Variants in MTF1 observed in about 807,000 individuals in gnomAD.
MTF1 encodes the protein metal regulatory transcription factor 1, also known as MRE-binding transcription factor.
Under a neutral mutation model 70.4 loss-of-function variants are expected in MTF1, and 22 were observed. The observed-to-expected ratio is 0.31, with a 90% CI of 0.22 to 0.45. The LOEUF is 0.45. Among genes scored for constraint, MTF1 ranks in the 20% least tolerant of loss-of-function variants. The pLI is 1.00. For synonymous variants in MTF1, 333 were observed against 352.8 expected (o/e 0.94, Z 0.63); for missense variants, 649 against 922.0 (o/e 0.70, Z 3.83).
rs1178778340 is a variant in MTF1, at chr1:37,835,141, T to G, written c.928A>C (p.Met310Leu). The change falls in exon 6 of 11, where the codon ATG becomes CTG. Residue 310 changes from methionine to leucine, a missense_variant. Met to Leu is a conservative substitution (Grantham distance 15, BLOSUM62 2). This residue lies in a region of MTF1 where 118 missense variants were observed against 287.2 expected (regional missense o/e 0.41). Coordinates refer to ENST00000373036, the MANE Select transcript of MTF1 (RefSeq NM_005955.3). ...FSTQYSLKSH[M>L]KGHDNKGHSY... ...TGTCCTTTGTTATCATGACCTTTCA[T>G]GTGACTTTTGAGACTGTATTGAGTG... 6.2e-7 allele frequency: 1 copy of G among 1,614,022 alleles called. No homozygotes were observed. Among genetic ancestry groups the G allele is most frequent in the East Asian group, 2.2e-5 (1 of 44,886 alleles).
At chr1:37,849,517 A>C (rs1470177615) in intron 2 of MTF1, among the ~76,000 whole-genome samples, 2 of 152,106 alleles carry the variant, frequency 1.3e-5, no homozygotes, top group South Asian at 2.1e-4. Flanking sequence ...TTGGTGCATC[A>C]TGTAGAATAA....
intron 6 of MTF1, 113 bp downstream of exon 6, chr1:37,834,966 C>T: frequency 8.5e-7 from 1 of 1,173,896 alleles, no homozygotes; most frequent in Non-Finnish European, 1.2e-6. Flanking sequence ...ACCCTGACTT[C>T]TTCCCGCTCA....
chr1:37,844,910 CAT>C, intron 2 of MTF1, among the ~76,000 whole-genome samples: 1 of 152,276 alleles, frequency 6.6e-6, no homozygotes, highest in Non-Finnish European at 1.5e-5. Context: ...CTGTAAAGCA[CAT>C]GATAAAATTA....
At chr1:37,824,894 A>C (rs1640978369) in intron 7 of MTF1, among the ~76,000 whole-genome samples, 3 of 152,088 alleles carry the variant, frequency 2.0e-5, no homozygotes, top group Non-Finnish European at 2.9e-5. Context: ...CAAAAAGGTA[A>C]AATGTGAGGG....
intron 1 of MTF1, among the ~76,000 whole-genome samples, chr1:37,858,958 C>T (rs767920220): frequency 4.6e-5 from 7 of 152,184 alleles, no homozygotes; most frequent in Non-Finnish European, 8.8e-5. Context: ...CTCTTCTGCT[C>T]TGGGTTAGAA....
In MTF1 at chr1:37,818,554, A is replaced by G. The variant is rs979348428; in HGVS notation, c.1768-1072T>C. On this transcript the variant is annotated intron_variant, in intron 9 of 10. Transcript: ENST00000373036. ...TCCATCTCTACTAAAAATACAAAAA[A>G]TTAGCCGGGCATGGTGGCGGGCGCC... Among the ~76,000 whole-genome samples the G allele has an allele frequency of 6.7e-4, 101 of 150,230 alleles. 1 individual carries two copies. The highest frequency in any genetic ancestry group is 9.8e-4 in the Non-Finnish European group (66 of 67,588).
chr1:37,838,798 T>TC (rs1553148617), intron 3 of MTF1, 42 bp from the exon 4 acceptor site: 9 of 616,578 alleles, frequency 1.5e-5, no homozygotes, highest in Admixed American at 5.7e-5. Flanking sequence ...CATAAAATTC[T>TC]TTTTTTTTTT....
At chr1:37,856,982 C>T (rs191207629) in intron 2 of MTF1, among the ~76,000 whole-genome samples, 1 of 152,184 alleles carries the variant, frequency 6.6e-6, no homozygotes, top group African/African-American at 2.4e-5. Flanking sequence ...AAACATGGGT[C>T]TACTTAAGTG....
intron 9 of MTF1, 115 bp downstream of exon 9, chr1:37,822,006 A>T: frequency 2.5e-6 from 2 of 791,672 alleles, no homozygotes; most frequent in Non-Finnish European, 4.0e-6. Context: ...AGGTAGAATT[A>T]CATGTTTCAC....
intron 2 of MTF1, among the ~76,000 whole-genome samples, chr1:37,842,464 C>T (rs1641269980): frequency 6.6e-6 from 1 of 152,196 alleles, no homozygotes. Context: ...TCCCTATTTT[C>T]CTTGACTATT....
chr1:37,846,645 G>A (rs1226417964), intron 2 of MTF1, among the ~76,000 whole-genome samples: 1 of 152,128 alleles, frequency 6.6e-6, no homozygotes, highest in Admixed American at 6.5e-5. Context: ...AAAGATGACT[G>A]CCTTGTTAAG....
rs772699424 is a variant in MTF1, at chr1:37,815,451, C to T, written c.1947G>A (p.Arg649=). The change falls in exon 11 of 11, where the codon AGG becomes AGA. Residue 649 remains arginine, a synonymous_variant. Coordinates refer to ENST00000373036, the MANE Select transcript of MTF1 (RefSeq NM_005955.3). This position sits in a 1 kb window ranked among gnomAD's most constrained non-coding sequence, Gnocchi z 4.5. ...RDSAKERASS[R]RKGCSSPPPP... Reference sequence around the variant, plus strand: ...GGGGTGGGGAGGAGCAGCCCTTTCTCCTGCTGGATGCCCGCTCCTTTGCAG... The same window carrying T: ...GGGGTGGGGAGGAGCAGCCCTTTCTTCTGCTGGATGCCCGCTCCTTTGCAG... 8.1e-6 allele frequency: 13 copies of T among 1,608,730 alleles called. No homozygotes were observed. Among genetic ancestry groups the T allele is most frequent in the South Asian group, 5.5e-5 (5 of 90,598 alleles).
At position 37,822,429 on chromosome 1, in the gene MTF1, G is replaced by A; in HGVS notation, c.1459C>T (p.Pro487Ser). ...ATGGGCTGCGGTGCCTGGGGGTGCG[G>A]AAGAAACTCTTGATGATTAGCAGCA... Reference protein sequence around the residue: ...QFAANHQEFLPHPQAPQPIVP... With the variant: ...QFAANHQEFLSHPQAPQPIVP... Residue 487 changes from proline (P) to serine (S), a missense_variant, in exon 9 of 11, where the codon CCG (proline) becomes TCG (serine). Transcript: ENST00000373036. The A allele has an allele frequency of 6.2e-7, 1 of 1,614,168 alleles. No individual in the cohort carries two copies. The highest frequency in any genetic ancestry group is 8.5e-7 in the Non-Finnish European group (1 of 1,180,016).
chr1:37,832,342 C>G lies in MTF1; in HGVS notation c.991-20G>C, dbSNP rs750510746. 6.5e-7 allele frequency: 1 copy of G among 1,543,044 alleles called. No homozygotes were observed. Among genetic ancestry groups the G allele is most frequent in the South Asian group, 1.1e-5 (1 of 88,250 alleles). On this transcript the variant is annotated intron_variant, in intron 6 of 10. Transcript: ENST00000373036. The stretch of plus-strand genomic sequence containing the variant: ...TGTATCCTGTGAAAGAGAAAAAATT[C>G]TAATTGAGTAACAAAAATCAGGATT...
chr1:37,854,627 G>A (rs1641463085), intron 2 of MTF1, among the ~76,000 whole-genome samples: 1 of 152,208 alleles, frequency 6.6e-6, no homozygotes. Flanking sequence ...CCAACTATAA[G>A]CTAACAGTAA....
intron 6 of MTF1, among the ~76,000 whole-genome samples, chr1:37,834,125 G>T (rs1288275044): frequency 6.6e-6 from 1 of 152,230 alleles, no homozygotes; most frequent in East Asian, 1.9e-4. Context: ...TAGTTGGGAG[G>T]ATCCCTGAGC....
intron 2 of MTF1, among the ~76,000 whole-genome samples, chr1:37,856,890 C>G (rs1291469565): frequency 6.6e-6 from 1 of 152,178 alleles, no homozygotes; most frequent in African/African-American, 2.4e-5. Flanking sequence ...AGGAGATAAG[C>G]CAAATATAGT....
intron 2 of MTF1, among the ~76,000 whole-genome samples, chr1:37,847,807 G>A (rs183118983): frequency 1.4e-4 from 22 of 152,162 alleles, no homozygotes; most frequent in African/African-American, 5.3e-4. Flanking sequence ...ACCAGCATGG[G>A]CAACATAGCA....
Position 37,840,786 on chromosome 1 carries a change from G to GA in MTF1, c.409-629dup, listed in dbSNP as rs949058009. Among the ~76,000 whole-genome samples the GA allele has an allele frequency of 6.3e-4, 89 of 141,872 alleles. No individual in the cohort carries two copies. The highest frequency in any genetic ancestry group is 1.2e-3 in the East Asian group (6 of 4,906). 93.1% of individuals were successfully genotyped at this position (141,872 alleles called of 152,430 possible). A position where few individuals can be genotyped will look rare whatever the true frequency, so the allele number is the denominator to read the frequency against. On this transcript the variant is annotated intron_variant, in intron 2 of 10. Coordinates refer to ENST00000373036, the MANE Select transcript of MTF1 (RefSeq NM_005955.3). The surrounding 1 kb of genome is among the most constrained non-coding windows in gnomAD (Gnocchi z 4.5). ...TCTTCACCTCATGGCAGAAGGTTAA[G>GA]AAAAAAAAAAAAGCTGCTTCTCCGA... is the stretch of plus-strand genomic sequence containing the variant.
Sources: allele counts gnomAD v4.1 joint callset (sites outside exome capture counted in the v4.1 genomes callset), GRCh38; gene constraint gnomAD v4.1.1; regional missense constraint gnomAD v4.1.1; non-coding constraint Gnocchi (gnomAD v3.1); transcripts MANE v1.5; gene names NCBI Gene and HGNC (gene_info 2026-07-23, HGNC 2026-07-21).